EPHB1: variants seen among roughly 807,000 people sequenced by gnomAD.
The protein encoded by EPHB1 is ephrin type-B receptor 1.
EPHB1 carries 30 observed loss-of-function variants against 94.4 expected under a neutral mutation model. The observed-to-expected ratio is 0.32, with a 90% CI of 0.24 to 0.43. EPHB1 has a LOEUF of 0.43. EPHB1 is among the 20% of genes least tolerant of loss of function. The pLI, the probability that EPHB1 is intolerant of heterozygous loss-of-function variation, is 1.00. For synonymous variants in EPHB1, 522 were observed against 489.1 expected, an observed-to-expected ratio of 1.07 and a Z score of -0.89; for missense variants, 1,055 against 1,308.3, an observed-to-expected ratio of 0.81 and a Z score of 2.99.
intron 4 of EPHB1, among the ~76,000 whole-genome samples, chr3:135,121,291 A>G (rs1341871411): frequency 6.6e-6 from 1 of 152,172 alleles, no homozygotes. Context: ...TCCTATCCAG[A>G]TCTGAATCTC....
intron 3 of EPHB1, among the ~76,000 whole-genome samples, chr3:135,022,181 A>G (rs1936007804): frequency 6.6e-6 from 1 of 152,104 alleles, no homozygotes; most frequent in Admixed American, 6.5e-5. Flanking sequence ...CATGTTAGCC[A>G]GGATGGTCTC....
At chr3:135,117,537 C>T (rs1194005145) in intron 4 of EPHB1, among the ~76,000 whole-genome samples, 1 of 152,206 alleles carries the variant, frequency 6.6e-6, no homozygotes, top group African/African-American at 2.4e-5. Flanking sequence ...CAGAGACTAC[C>T]TCCACCCCAT....
At chr3:134,957,980 G>A (rs1578230290) in intron 3 of EPHB1, among the ~76,000 whole-genome samples, 1 of 152,176 alleles carries the variant, frequency 6.6e-6, no homozygotes, top group Non-Finnish European at 1.5e-5. Flanking sequence ...GTGTCTCTCT[G>A]CAAGTTATGG....
At chr3:135,011,326 G>A (rs1935614410) in intron 3 of EPHB1, among the ~76,000 whole-genome samples, 1 of 152,130 alleles carries the variant, frequency 6.6e-6, no homozygotes, top group South Asian at 2.1e-4. Context: ...TCTTTATCCT[G>A]GAGATTTAGT....
chr3:134,853,407 T>A (rs13095424), intron 1 of EPHB1, among the ~76,000 whole-genome samples: 117,348 of 152,194 alleles, frequency 0.77, 45,996 homozygotes, highest in East Asian at 0.9. Flanking sequence ...GTGGCAGACA[T>A]GTTTTGGGGA....
rs1248096863 is a variant in EPHB1 at position 135,140,629 on chromosome 3, G to C, written c.1297+7580G>C. On this transcript the variant is annotated intron_variant, in intron 5 of 15. Transcript: ENST00000398015. Reference sequence around the variant, plus strand: ...CTCCCAGATGTTGGTAAGACCTCAGGCTTCCTGTGTGCACTGCACCCCCAA... The same window carrying C: ...CTCCCAGATGTTGGTAAGACCTCAGCCTTCCTGTGTGCACTGCACCCCCAA... Among the ~76,000 whole-genome samples, 3 of 152,118 alleles carry C rather than the reference G, an allele frequency of 2.0e-5. 1 individual carries two copies. The highest frequency in any genetic ancestry group is 2.0e-4 in the Admixed American group (3 of 15,282).
chr3:135,170,310 A>C (rs1176895118), intron 9 of EPHB1, among the ~76,000 whole-genome samples: 2 of 152,160 alleles, frequency 1.3e-5, no homozygotes, highest in African/African-American at 2.4e-5. Context: ...AGATCTAGTA[A>C]ATCTGATAAC....
intron 1 of EPHB1, among the ~76,000 whole-genome samples, chr3:134,878,436 G>T (rs919521341): frequency 5.3e-5 from 8 of 152,192 alleles, no homozygotes; most frequent in Non-Finnish European, 1.0e-4. Flanking sequence ...ACTATTGATA[G>T]AGGAGACTGG....
chr3:134,805,083 C>T (rs754249200), intron 1 of EPHB1, among the ~76,000 whole-genome samples: 16 of 152,150 alleles, frequency 1.1e-4, no homozygotes, highest in East Asian at 7.7e-4. Flanking sequence ...TTCTCATTGA[C>T]GCTGAGGCTG....
In EPHB1 at chr3:135,049,173, G is replaced by C. The variant is rs180882720; in HGVS notation, c.806-57275G>C. On this transcript the variant is annotated intron_variant, in intron 3 of 15. Transcript: ENST00000398015. ...TGCCTTGCCATTGAGATTTTTTGCT[G>C]TCTTTAAAAGCACCTCCTTGCCTGA... Among the ~76,000 whole-genome samples the C allele has an allele frequency of 2.3e-4, 35 of 152,280 alleles. No individual in the cohort carries two copies. In the East Asian group the frequency reaches 6.2e-3, roughly 27 times the overall value.
chr3:135,171,023 T>C (rs1009929029), intron 9 of EPHB1, among the ~76,000 whole-genome samples: 6 of 152,174 alleles, frequency 3.9e-5, no homozygotes, highest in Admixed American at 3.3e-4. Context: ...AGTTTTCACA[T>C]AGGGTAAGAG....
At chr3:134,932,638 T>C (rs1439898532) in intron 2 of EPHB1, among the ~76,000 whole-genome samples, 2 of 152,230 alleles carry the variant, frequency 1.3e-5, no homozygotes, top group Admixed American at 1.3e-4. Context: ...ATAATAACTC[T>C]GTCATATATG....
chr3:135,209,543 G>A (rs1215675479), intron 12 of EPHB1, among the ~76,000 whole-genome samples: 1 of 152,164 alleles, frequency 6.6e-6, no homozygotes, highest in African/African-American at 2.4e-5. Flanking sequence ...TAAAACTGAG[G>A]TACATTCTAT....
Position 134,951,901 on chromosome 3 carries a change from G to T in EPHB1, c.654G>T (p.Leu218=). Residue 218 remains leucine (L), a synonymous_variant, in exon 3 of 16, where the codon CTG becomes CTT. Coordinates refer to ENST00000398015, the MANE Select transcript of EPHB1 (RefSeq NM_004441.5). The surrounding 1 kb of genome is among the most constrained non-coding windows in gnomAD (Gnocchi z 4.5). ...TGACAGGGGCAGAGAGCACATCTCTGGTGATTGCTCGGGGCACATGCATCC... is the reference window on the plus strand; with the variant it reads ...TGACAGGGGCAGAGAGCACATCTCTTGTGATTGCTCGGGGCACATGCATCC... ...ETMTGAESTS[L]VIARGTCIPN... The T allele has an allele frequency of 6.2e-7, 1 of 1,614,054 alleles. No homozygotes were observed. Among genetic ancestry groups the T allele is most frequent in the Non-Finnish European group, 8.5e-7 (1 of 1,179,900 alleles).
chr3:135,229,483 C>CACTA (rs1275814603), intron 12 of EPHB1, among the ~76,000 whole-genome samples: 3 of 152,090 alleles, frequency 2.0e-5, no homozygotes, highest in Non-Finnish European at 4.4e-5. Context: ...GGCCAGTGGA[C>CACTA]ACTGGTAAGG....
rs141474761 is a variant in EPHB1 at position 135,242,082 on chromosome 3, G to A, written c.2496+785G>A. Among the ~76,000 whole-genome samples, 17 of 152,248 alleles carry A rather than the reference G, an allele frequency of 1.1e-4. No homozygotes were observed. The East Asian group carries it at 2.1e-3, about 19-fold the overall frequency. Reference sequence around the variant, plus strand: ...ACTAAAAGGTGAGGAAGCCTTTTTCGGATGATTTGCTTTGATAAGTCTCCA... The same window carrying A: ...ACTAAAAGGTGAGGAAGCCTTTTTCAGATGATTTGCTTTGATAAGTCTCCA... On this transcript the variant is annotated intron_variant, in intron 13 of 15. Coordinates refer to ENST00000398015, the MANE Select transcript of EPHB1 (RefSeq NM_004441.5).
chr3:135,076,261 A>ATATATATATATAT (rs1553729687), intron 3 of EPHB1, among the ~76,000 whole-genome samples: 27 of 112,506 alleles, frequency 2.4e-4, no homozygotes, highest in African/African-American at 7.2e-4. Context: ...ATATATATAT[A>ATATATATATATAT]ACTCTTAAAT....
intron 1 of EPHB1, among the ~76,000 whole-genome samples, chr3:134,844,781 T>C (rs906343185): frequency 1.3e-5 from 2 of 152,370 alleles, no homozygotes; most frequent in Middle Eastern, 3.4e-3. Flanking sequence ...TCCAGGATGC[T>C]GAGATGATTG....
rs1936971736 is a variant in EPHB1, at chr3:135,045,412, C to T, written c.806-61036C>T. Reference sequence around the variant, plus strand: ...TAAAATGATAAGTTCAAATAAAATACTTTTGCTGCATACTGTGGTATCATA... The same window carrying T: ...TAAAATGATAAGTTCAAATAAAATATTTTTGCTGCATACTGTGGTATCATA... On this transcript the variant is annotated intron_variant, in intron 3 of 15. Transcript: ENST00000398015. Among the ~76,000 whole-genome samples, 3 of 152,160 alleles carry T rather than the reference C, an allele frequency of 2.0e-5. No homozygotes were observed. The South Asian group carries it at 6.2e-4, about 32-fold the overall frequency.
Sources: gnomAD v4.1 joint callset for allele counts (sites outside exome capture counted in the v4.1 genomes callset) on GRCh38, gnomAD v4.1.1 for gene constraint, Gnocchi (gnomAD v3.1) non-coding constraint, MANE v1.5 for transcripts, NCBI Gene and HGNC (gene_info 2026-07-23, HGNC 2026-07-21) for gene names.